The following SEMA3E variants were observed in gnomAD, a reference collection of about 807,000 sequenced individuals.
SEMA3E encodes the protein semaphorin 3E.
Under a neutral mutation model 93.6 loss-of-function variants are expected in SEMA3E, and 49 were observed. That is an observed-to-expected ratio of 0.52 (90% confidence interval 0.42 to 0.66). The LOEUF (loss-of-function observed/expected upper bound fraction) is 0.66, where lower values mean the gene tolerates loss of function less well. Among genes scored for constraint, SEMA3E ranks in the 30% least tolerant of loss-of-function variants. The pLI is 0.00. For synonymous variants in SEMA3E, 363 were observed against 330.7 expected (o/e 1.10, Z -1.06); for missense variants, 906 against 964.8 (o/e 0.94, Z 0.81).
chr7:83,607,773 C>T (rs1055962454), intron 1 of SEMA3E, among the ~76,000 whole-genome samples: 9 of 151,972 alleles, frequency 5.9e-5, no homozygotes, highest in Admixed American at 5.9e-4. Flanking sequence ...AGGCAGAGAG[C>T]CTTTTTCTAG....
chr7:83,426,691 C>CA (rs1279331475), intron 4 of SEMA3E, among the ~76,000 whole-genome samples: 4 of 152,148 alleles, frequency 2.6e-5, no homozygotes, highest in African/African-American at 9.7e-5. Flanking sequence ...TTATTAAAAA[C>CA]ATACAAAAAC....
chr7:83,374,695 T>C (rs961673305), intron 16 of SEMA3E, among the ~76,000 whole-genome samples: 2 of 152,144 alleles, frequency 1.3e-5, no homozygotes, highest in African/African-American at 4.8e-5. Flanking sequence ...TATAATATAA[T>C]ACATTTACTT....
chr7:83,643,118 T>C (rs1173978242), intron 1 of SEMA3E, among the ~76,000 whole-genome samples: 2 of 152,148 alleles, frequency 1.3e-5, no homozygotes, highest in South Asian at 2.1e-4. Flanking sequence ...ACCAATTTCA[T>C]GGTTTGGTGC....
Position 83,392,549 on chromosome 7 carries a change from T to A in SEMA3E, c.1667+6A>T. The A allele has an allele frequency of 1.2e-6, 2 of 1,611,884 alleles. No homozygotes were observed. The highest frequency in any genetic ancestry group is 1.7e-6 in the Non-Finnish European group (2 of 1,179,356). ...GGGAAATAGTTAATCAGGTAGCACGTCTCACCTTTTTGCATGTGTGCCTGT... is the reference window on the plus strand; with the variant it reads ...GGGAAATAGTTAATCAGGTAGCACGACTCACCTTTTTGCATGTGTGCCTGT... On this transcript the variant is annotated splice_donor_region_variant and intron_variant, in intron 14 of 16. Coordinates refer to ENST00000643230, the MANE Select transcript of SEMA3E (RefSeq NM_012431.3).
intron 4 of SEMA3E, among the ~76,000 whole-genome samples, chr7:83,422,841 A>C (rs1267871645): frequency 6.6e-6 from 1 of 152,256 alleles, no homozygotes; most frequent in Non-Finnish European, 1.5e-5. Flanking sequence ...TGCGTGAAGC[A>C]AATAGAAAAT....
intron 4 of SEMA3E, among the ~76,000 whole-genome samples, chr7:83,449,011 T>A (rs1462546230): frequency 1.3e-5 from 2 of 152,186 alleles, no homozygotes; most frequent in African/African-American, 4.8e-5. Flanking sequence ...AATTTACTAC[T>A]GGCCAAATAC....
In SEMA3E at chr7:83,368,026, C is replaced by T. The variant is rs1318401996; in HGVS notation, c.1888G>A (p.Asp630Asn). Residue 630 changes from aspartate (D) to asparagine (N), a missense_variant, in exon 17 of 17, where the codon GAC becomes AAC. Physicochemically the swap from Asp to Asn is conservative, Grantham distance 23. Transcript: ENST00000643230. ...CCAAGGTCCATCTTAACCACTCTGT[C>T]ATCTGTCTTCACCTGCAAAAACAAA... ...ETRKEEVKTD[D>N]RVVKMDLGLL... is the part of the protein sequence containing the mutation. 3 of 1,613,914 alleles carry T rather than the reference C, an allele frequency of 1.9e-6. No individual in the cohort carries two copies. The highest frequency in any genetic ancestry group is 2.5e-6 in the Non-Finnish European group (3 of 1,179,964).
chr7:83,625,415 A>G (rs1793649980), intron 1 of SEMA3E, among the ~76,000 whole-genome samples: 2 of 152,094 alleles, frequency 1.3e-5, no homozygotes, highest in Non-Finnish European at 2.9e-5. Flanking sequence ...AGTGGTTTGT[A>G]GTTCTCCTTG....
chr7:83,471,386 A>T (rs2115899456), intron 2 of SEMA3E, among the ~76,000 whole-genome samples: 1 of 150,456 alleles, frequency 6.6e-6, no homozygotes, highest in South Asian at 2.1e-4. Context: ...ACTGCTTTGG[A>T]ACAGAAAGGG....
At chr7:83,590,366 G>A (rs996436719) in intron 1 of SEMA3E, among the ~76,000 whole-genome samples, 1 of 141,168 alleles carries the variant, frequency 7.1e-6, no homozygotes, top group East Asian at 2.0e-4. Flanking sequence ...AGATTCACTG[G>A]CAAAATCTGG....
intron 1 of SEMA3E, among the ~76,000 whole-genome samples, chr7:83,545,552 GAA>G (rs3068645): frequency 1.2e-4 from 10 of 86,460 alleles, no homozygotes; most frequent in Non-Finnish European, 1.6e-4. Flanking sequence ...GAAGAGAAAT[GAA>G]AAAAAAAAAA....
At chr7:83,526,364 G>C (rs1791159167) in intron 1 of SEMA3E, among the ~76,000 whole-genome samples, 1 of 152,002 alleles carries the variant, frequency 6.6e-6, no homozygotes, top group South Asian at 2.1e-4. Context: ...AAGATACTCT[G>C]TTCTACCTAC....
At chr7:83,516,201 T>G (rs542741652) in intron 1 of SEMA3E, among the ~76,000 whole-genome samples, 1 of 152,316 alleles carries the variant, frequency 6.6e-6, no homozygotes, top group African/African-American at 2.4e-5. Context: ...ATATGTATTT[T>G]TATATACTGG....
intron 1 of SEMA3E, chr7:83,641,214 C>A (rs1223403628): frequency 5.2e-6 from 1 of 190,926 alleles, no homozygotes. Context: ...ACCCCATCAT[C>A]TTTTCCTTTG....
chr7:83,599,121 G>T (rs1048054492), intron 1 of SEMA3E, among the ~76,000 whole-genome samples: 2 of 152,044 alleles, frequency 1.3e-5, no homozygotes, highest in African/African-American at 4.8e-5. Flanking sequence ...ATTAGATAAA[G>T]CTCTATGATT....
chr7:83,521,813 C>A (rs1352186741), intron 1 of SEMA3E, among the ~76,000 whole-genome samples: 1 of 152,058 alleles, frequency 6.6e-6, no homozygotes, highest in Non-Finnish European at 1.5e-5. Flanking sequence ...TATGAGGGCC[C>A]CACCTTATGA....
intron 4 of SEMA3E, among the ~76,000 whole-genome samples, chr7:83,456,860 A>G (rs2723025): frequency 0.65 from 99,402 of 151,842 alleles, 34,943 homozygotes; most frequent in East Asian, 1. Context: ...GTGATCTGTC[A>G]GCCTTGGCCT....
chr7:83,578,990 T>A (rs541812825), intron 1 of SEMA3E, among the ~76,000 whole-genome samples: 1 of 152,186 alleles, frequency 6.6e-6, no homozygotes, highest in East Asian at 1.9e-4. Flanking sequence ...GAAATTAAAT[T>A]AATAACTATC....
intron 11 of SEMA3E, among the ~76,000 whole-genome samples, chr7:83,398,033 C>A (rs536205362): frequency 3.9e-5 from 6 of 152,038 alleles, no homozygotes; most frequent in Admixed American, 3.3e-4. Flanking sequence ...GTATTAAAGC[C>A]GGTGTCTAGT....
Sources: gnomAD v4.1 joint callset for allele counts (sites outside exome capture counted in the v4.1 genomes callset) on GRCh38, gnomAD v4.1.1 for gene constraint, MANE v1.5 for transcripts, NCBI Gene and HGNC (gene_info 2026-07-23, HGNC 2026-07-21) for gene names.